LAMA3: variants seen among roughly 807,000 people sequenced by gnomAD.
The protein encoded by LAMA3 is laminin subunit alpha 3.
LAMA3 carries 281 observed loss-of-function variants against 402.0 expected under a neutral mutation model. The observed-to-expected ratio is 0.70, with a 90% confidence interval of 0.63 to 0.77. LAMA3 has a LOEUF of 0.77. Ranked by LOEUF, LAMA3 falls within the 30% of genes least tolerant of loss-of-function variation. LAMA3 has a pLI of 0.00. For missense variants in LAMA3, 3,840 were observed against 4,215.5 expected, an observed-to-expected ratio of 0.91 and a Z score of 2.47; for synonymous variants, 1,431 against 1,558.4, an observed-to-expected ratio of 0.92 and a Z score of 1.93.
intron 37 of LAMA3, among the ~76,000 whole-genome samples, chr18:23,868,761 C>T (rs1336943320): frequency 6.6e-6 from 1 of 152,160 alleles, no homozygotes; most frequent in African/African-American, 2.4e-5. Context: ...AAATGTTTTA[C>T]ATCCAAAGAA....
Position 23,898,757 on chromosome 18 carries a change from G to A in LAMA3, c.5633G>A (p.Arg1878His), listed in dbSNP as rs746691398. Residue 1878 changes from arginine (R) to histidine (H), a missense_variant, in exon 45 of 75, where the codon CGT becomes CAT. By Grantham distance (29) the Arg-to-His change is conservative. This residue lies in a region of LAMA3 where 891 missense variants were observed against 857.5 expected (regional missense o/e 1.04). Coordinates refer to ENST00000313654, the MANE Select transcript of LAMA3 (RefSeq NM_198129.4). The stretch of plus-strand genomic sequence containing the variant: ...TTCCAGAATCAGTTGCTCAACTACC[G>A]TTCTGCCATTTCAAATCATGGATCA... Reference protein sequence around the residue: ...KDLRNQLLNYRSAISNHGSKI... With the variant: ...KDLRNQLLNYHSAISNHGSKI... 1.1e-5 allele frequency: 17 copies of A among 1,603,768 alleles called. No homozygotes were observed. The highest frequency in any genetic ancestry group is 6.6e-5 in the South Asian group (6 of 90,866).
At chr18:23,858,048 T>A in intron 33 of LAMA3, 60 bp downstream of exon 33, 1 of 1,598,716 alleles carries the variant, frequency 6.3e-7, no homozygotes, top group South Asian at 1.1e-5. Flanking sequence ...GTGCTTCATG[T>A]TGAGTCAACA....
At position 23,871,672 on chromosome 18, in the gene LAMA3, T is replaced by C; in HGVS notation, c.4998+11T>C. On this transcript the variant is annotated intron_variant, in intron 38 of 74. Coordinates refer to ENST00000313654, the MANE Select transcript of LAMA3 (RefSeq NM_198129.4). ...GGTGACTCTTGTCAGGTAGGAAGTT[T>C]TCCCATCCGCAACATTTCCCTAGGG... is the stretch of plus-strand genomic sequence containing the variant. The C allele has an allele frequency of 1.9e-6, 3 of 1,583,268 alleles. No homozygotes were observed. Among genetic ancestry groups the C allele is most frequent in the African/African-American group, 1.3e-5 (1 of 74,632 alleles).
chr18:23,898,948 A>C lies in LAMA3; in HGVS notation c.5725-6A>C, dbSNP rs1277613182. The stretch of plus-strand genomic sequence containing the variant: ...TTTGCTGCTAATCAATTTATTTTTC[A>C]TATAGGCTCAAGTAAATTCCAGAAA... On this transcript the variant is annotated splice_region_variant and splice_polypyrimidine_tract_variant and intron_variant, in intron 45 of 74. Transcript: ENST00000313654. The C allele has an allele frequency of 6.2e-7, 1 of 1,610,448 alleles. No homozygotes were observed. The highest frequency in any genetic ancestry group is 8.5e-7 in the Non-Finnish European group (1 of 1,176,864).
intron 37 of LAMA3, among the ~76,000 whole-genome samples, chr18:23,869,560 T>G (rs983540411): frequency 6.6e-6 from 1 of 152,224 alleles, no homozygotes; most frequent in Non-Finnish European, 1.5e-5. Context: ...TTCCTTAAGC[T>G]GCTAAAATAT....
intron 11 of LAMA3, among the ~76,000 whole-genome samples, chr18:23,779,514 CT>C (rs376286140): frequency 5.9e-5 from 9 of 151,956 alleles, no homozygotes; most frequent in African/African-American, 2.2e-4. Flanking sequence ...GGCTTTTCGG[CT>C]GAGCAGTTAG....
chr18:23,828,680 G>T (rs1316606129), intron 23 of LAMA3, among the ~76,000 whole-genome samples: 1 of 152,162 alleles, frequency 6.6e-6, no homozygotes, highest in Non-Finnish European at 1.5e-5. Context: ...CATCTAGGAG[G>T]TTCTAACCTC....
intron 2 of LAMA3, among the ~76,000 whole-genome samples, chr18:23,720,464 C>T (rs922881524): frequency 2.0e-5 from 3 of 152,194 alleles, no homozygotes; most frequent in Non-Finnish European, 4.4e-5. Context: ...AAGTGATTCT[C>T]CTGCCTCAGC....
intron 68 of LAMA3, among the ~76,000 whole-genome samples, chr18:23,941,066 G>T (rs1435916846): frequency 2.0e-5 from 3 of 151,652 alleles, no homozygotes; most frequent in Non-Finnish European, 2.9e-5. Flanking sequence ...CTCCTGAGTA[G>T]CTGGGACTAT....
intron 1 of LAMA3, among the ~76,000 whole-genome samples, chr18:23,698,885 AT>A (rs1411396920): frequency 6.6e-6 from 1 of 152,224 alleles, no homozygotes; most frequent in Non-Finnish European, 1.5e-5. Context: ...CGTTGAGTAA[AT>A]ATAATAATTG....
At chr18:23,704,065 C>T (rs529882563) in intron 1 of LAMA3, among the ~76,000 whole-genome samples, 51 of 152,182 alleles carry the variant, frequency 3.4e-4, no homozygotes, top group Non-Finnish European at 6.9e-4. Context: ...TGAGTGATGG[C>T]TATAGGAGCA....
In LAMA3 at chr18:23,873,172, A is replaced by C. The variant is rs760019923; in HGVS notation, c.4998+1511A>C. On this transcript the variant is annotated intron_variant, in intron 38 of 74. Coordinates refer to ENST00000313654, the MANE Select transcript of LAMA3 (RefSeq NM_198129.4). Reference sequence around the variant, plus strand: ...GTGCCATTTCTTCAGCCTCCCGGTCAAAGTCAACTGCAAGCGAGTTATGTG... The same window carrying C: ...GTGCCATTTCTTCAGCCTCCCGGTCCAAGTCAACTGCAAGCGAGTTATGTG... 145 of 1,614,134 alleles carry C rather than the reference A, an allele frequency of 9.0e-5. No individual in the cohort carries two copies. The highest frequency in any genetic ancestry group is 1.2e-4 in the Non-Finnish European group (139 of 1,180,050).
intron 32 of LAMA3, among the ~76,000 whole-genome samples, chr18:23,857,443 G>C (rs2144710017): frequency 6.6e-6 from 1 of 152,334 alleles, no homozygotes; most frequent in Middle Eastern, 3.4e-3. Flanking sequence ...GCCCTTTAAA[G>C]CTCAGGTCAG....
At chr18:23,909,765 C>T (rs2081371168) in intron 55 of LAMA3, among the ~76,000 whole-genome samples, 1 of 152,184 alleles carries the variant, frequency 6.6e-6, no homozygotes, top group South Asian at 2.1e-4. Context: ...TTGTTTTAAC[C>T]TGACATTATT....
rs568549405 is a variant in LAMA3 at position 23,813,096 on chromosome 18, C to G, written c.1781C>G (p.Ser594Cys). ...TGTGACCCAGCTGGTACCATCAACT[C>G]CAATTTGGTAAGTAGACTATAAAAG... The part of the protein sequence containing the change: ...SACDPAGTIN[S>C]NLGYCQCKLH... The change falls in exon 14 of 75, where the codon TCC (serine) becomes TGC (cysteine). Residue 594 changes from serine (S) to cysteine (C), a missense_variant. Coordinates refer to ENST00000313654, the MANE Select transcript of LAMA3 (RefSeq NM_198129.4). 6.2e-7 allele frequency: 1 copy of G among 1,605,344 alleles called. No individual in the cohort carries two copies. The highest frequency in any genetic ancestry group is 1.1e-5 in the South Asian group (1 of 90,902).
At chr18:23,786,220 A>T (rs1240363474) in intron 12 of LAMA3, among the ~76,000 whole-genome samples, 1 of 151,946 alleles carries the variant, frequency 6.6e-6, no homozygotes, top group African/African-American at 2.4e-5. Flanking sequence ...ATCCATCCCC[A>T]AATCTGTTTT....
At position 23,902,992 on chromosome 18, in the gene LAMA3, T is replaced by C; in HGVS notation, c.6202-17T>C. On this transcript the variant is annotated splice_polypyrimidine_tract_variant and intron_variant, in intron 48 of 74. Coordinates refer to ENST00000313654, the MANE Select transcript of LAMA3 (RefSeq NM_198129.4). Reference sequence around the variant, plus strand: ...ATATATCATAGAGCTCAAGCAATTTTTTTTTATTTTCTCCAGAGACAAGTG... The same window carrying C: ...ATATATCATAGAGCTCAAGCAATTTCTTTTTATTTTCTCCAGAGACAAGTG... 1 of 1,477,080 alleles carries C rather than the reference T, an allele frequency of 6.8e-7. No individual in the cohort carries two copies. Among genetic ancestry groups the C allele is most frequent in the South Asian group, 1.1e-5 (1 of 88,326 alleles). 91.5% of individuals were successfully genotyped at this position (1,477,080 alleles called of 1,614,324 possible). A position where few individuals can be genotyped will look rare whatever the true frequency, so the allele number is the denominator to read the frequency against.
rs1324253972 is a variant in LAMA3 at position 23,921,059 on chromosome 18, A to G, written c.8043+5A>G. Reference sequence around the variant, plus strand: ...AACAACGGCAGAGACCATTCGGTACACCTTTTGAGTCTGTTTACTTGAATC... The same window carrying G: ...AACAACGGCAGAGACCATTCGGTACGCCTTTTGAGTCTGTTTACTTGAATC... On this transcript the variant is annotated splice_donor_5th_base_variant and intron_variant, in intron 61 of 74. Coordinates refer to ENST00000313654, the MANE Select transcript of LAMA3 (RefSeq NM_198129.4). 3 of 1,613,882 alleles carry G rather than the reference A, an allele frequency of 1.9e-6. No individual in the cohort carries two copies. The highest frequency in any genetic ancestry group is 2.2e-5 in the East Asian group (1 of 44,880).
Position 23,870,530 on chromosome 18 carries a change from G to T in LAMA3, c.4768-901G>T, listed in dbSNP as rs2064488010. ...AAAACAGAATCTTCACAAGATATTT[G>T]CACATTCATGTTCATTGCAGCATTA... On this transcript the variant is annotated intron_variant, in intron 37 of 74. Transcript: ENST00000313654. 2.6e-5 allele frequency among the ~76,000 whole-genome samples: 4 copies of T among 152,094 alleles called. No individual in the cohort carries two copies. In the South Asian group the frequency reaches 8.3e-4, roughly 32 times the overall value.
Sources: gnomAD v4.1 joint callset for allele counts (sites outside exome capture counted in the v4.1 genomes callset) on GRCh38, gnomAD v4.1.1 for gene constraint, gnomAD v4.1.1 regional missense constraint, MANE v1.5 for transcripts, NCBI Gene and HGNC (gene_info 2026-07-23, HGNC 2026-07-21) for gene names.